CASK: variants seen among roughly 807,000 people sequenced by gnomAD.
CASK encodes peripheral plasma membrane protein CASK.
A neutral mutation model predicts 82.9 loss-of-function variants in CASK; 4 were observed. The observed-to-expected ratio is 0.05, with a 90% CI of 0.02 to 0.11. The LOEUF is 0.11. CASK is among the 10% of genes least tolerant of loss of function. The pLI is 1.00. For synonymous variants in CASK, 259 were observed against 253.5 expected, an observed-to-expected ratio of 1.02 and a Z score of -0.20; for missense variants, 358 against 720.9, an observed-to-expected ratio of 0.50 and a Z score of 5.76.
In CASK at chrX:41,520,191, T is replaced by C. The variant is rs1200001494; in HGVS notation, c.*229A>G. Reference sequence around the variant, plus strand: ...AATAATACATACATTTAAAGATACATTTTATTAAAGTTTAGGAGAACTGAT... The same window carrying C: ...AATAATACATACATTTAAAGATACACTTTATTAAAGTTTAGGAGAACTGAT... On this transcript the variant is annotated 3_prime_UTR_variant, in exon 27 of 27. Transcript: ENST00000378163. The C allele has an allele frequency of 5.7e-6, 2 of 351,418 alleles. No individual in the cohort carries two copies. The highest frequency in any genetic ancestry group is 9.9e-6 in the Non-Finnish European group (2 of 202,427). 29.0% of individuals were successfully genotyped at this position (351,418 alleles called of 1,213,427 possible). A position where few individuals can be genotyped will look rare whatever the true frequency, so the allele number is the denominator to read the frequency against.
intron 1 of CASK, among the ~76,000 whole-genome samples, chrX:41,856,444 T>C: frequency 9.0e-6 from 1 of 110,520 alleles, no homozygotes; most frequent in Middle Eastern, 4.7e-3. Flanking sequence ...AAGAAACTCA[T>C]GAATGGGTTC....
intron 14 of CASK, chrX:41,584,940 G>A (rs1342518537): frequency 8.9e-6 from 1 of 112,599 alleles, no homozygotes; most frequent in African/African-American, 3.2e-5. Flanking sequence ...CTCCTGCTCT[G>A]TGAAATAGAG....
intron 5 of CASK, among the ~76,000 whole-genome samples, chrX:41,672,415 C>A (rs1481295517): frequency 1.8e-5 from 2 of 111,091 alleles, no homozygotes; most frequent in Non-Finnish European, 3.8e-5. Context: ...ACTGTCCTCC[C>A]CAATATGACT....
intron 8 of CASK, among the ~76,000 whole-genome samples, chrX:41,657,997 G>A (rs752374854): frequency 1.8e-5 from 2 of 110,441 alleles, no homozygotes; most frequent in Admixed American, 1.9e-4. Flanking sequence ...ACCAATGGCC[G>A]ATGGTTTAAT....
Position 41,649,241 on chromosome X carries a change from C to T in CASK, c.831+11198G>A, listed in dbSNP as rs185350630. Among the ~76,000 whole-genome samples the T allele has an allele frequency of 1.2e-3, 134 of 111,365 alleles. 1 individual carries two copies. Among genetic ancestry groups the T allele is most frequent in the Middle Eastern group, 9.3e-3 (2 of 214 alleles). Reference sequence around the variant, plus strand: ...TATTTTTTTGAAGGGTTTTTTGTGTCTCTATTTCCTTCAGTTCTGCTCTGA... The same window carrying T: ...TATTTTTTTGAAGGGTTTTTTGTGTTTCTATTTCCTTCAGTTCTGCTCTGA... On this transcript the variant is annotated intron_variant, in intron 8 of 26. Transcript: ENST00000378163.
intron 5 of CASK, among the ~76,000 whole-genome samples, chrX:41,709,133 A>T (rs1329432978): frequency 8.9e-6 from 1 of 111,898 alleles, no homozygotes; most frequent in Non-Finnish European, 1.9e-5. Context: ...TCTTAAAAGG[A>T]CTACTTCAAA....
chrX:41,876,928 G>A (rs780847354), intron 1 of CASK, among the ~76,000 whole-genome samples: 20 of 111,723 alleles, frequency 1.8e-4, no homozygotes, highest in African/African-American at 6.2e-4. Context: ...GGCAGGGCCA[G>A]AGTCACACTC....
intron 3 of CASK, among the ~76,000 whole-genome samples, chrX:41,782,319 C>G (rs5964047): frequency 0.19 from 21,293 of 110,858 alleles, 1,617 homozygotes; most frequent in Middle Eastern, 0.3. Flanking sequence ...GAAAACAAAA[C>G]AAAAGAAAAC....
chrX:41,777,281 C>A (rs1375875997), intron 3 of CASK, among the ~76,000 whole-genome samples: 1 of 110,483 alleles, frequency 9.1e-6, no homozygotes, highest in Non-Finnish European at 1.9e-5. Context: ...CACTTGAGGT[C>A]AGGAGTTTGA....
chrX:41,680,239 T>G (rs113548573), intron 5 of CASK, among the ~76,000 whole-genome samples: 1 of 108,251 alleles, frequency 9.2e-6, no homozygotes, highest in Non-Finnish European at 1.9e-5. Flanking sequence ...ATCTCAGCAC[T>G]TTGGGAAGCC....
At chrX:41,833,728 A>G (rs771004229) in intron 2 of CASK, among the ~76,000 whole-genome samples, 1 of 111,954 alleles carries the variant, frequency 8.9e-6, no homozygotes, top group Admixed American at 9.5e-5. Context: ...GTTATACACC[A>G]TGAATTATAA....
At chrX:41,722,916 A>T (rs1423673883) in intron 5 of CASK, among the ~76,000 whole-genome samples, 1 of 111,918 alleles carries the variant, frequency 8.9e-6, no homozygotes, top group Admixed American at 9.5e-5. Flanking sequence ...GTTCTATGTA[A>T]TTCCTTCCTG....
intron 14 of CASK, chrX:41,585,606 C>G (rs910521633): frequency 1.0e-4 from 11 of 110,007 alleles, no homozygotes; most frequent in African/African-American, 3.6e-4. Flanking sequence ...ATTAGCCAGG[C>G]GTGGTGGCGG....
chrX:41,569,603 T>G, intron 16 of CASK, 65 bp downstream of exon 16: 1 of 786,342 alleles, frequency 1.3e-6, no homozygotes. Context: ...AAAAACATTT[T>G]CTTCACTAGG....
At position 41,867,324 on chromosome X, in the gene CASK, T is replaced by C. The variant is rs1236054784; in HGVS notation, c.60-14097A>G. Among the ~76,000 whole-genome samples the C allele has an allele frequency of 2.7e-5, 3 of 112,145 alleles. No individual in the cohort carries two copies. In the East Asian group the frequency reaches 8.4e-4, roughly 31 times the overall value. On this transcript the variant is annotated intron_variant, in intron 1 of 26. Transcript: ENST00000378163. ...AAATGCTACTGGATGGACAAATAGA[T>C]AAATCCATTTTAGGATGCACAAACA...
At chrX:41,610,163 A>G (rs2066023437) in intron 11 of CASK, 138 bp from the exon 12 acceptor site, 8 of 585,897 alleles carry the variant, frequency 1.4e-5, no homozygotes, top group African/African-American at 2.3e-5. Context: ...TGAAGGATAG[A>G]CTTAAATGAG....
At chrX:41,727,702 A>T in intron 5 of CASK, 1 of 1,200,149 alleles carries the variant, frequency 8.3e-7, no homozygotes, top group Non-Finnish European at 1.1e-6. Context: ...CTCTTTTGTA[A>T]GCCATCTGAG....
chrX:41,789,284 C>T (rs1417304837), intron 2 of CASK, among the ~76,000 whole-genome samples: 2 of 111,675 alleles, frequency 1.8e-5, no homozygotes, highest in Non-Finnish European at 3.8e-5. Context: ...CTACAAATGA[C>T]TTTCTTAGAG....
rs778643757 is a variant in CASK at position 41,534,828 on chromosome X, TTAA to T, written c.2237-45_2237-43del. ...AAAAGAATGTTAAAACTGACAACTC[TTAA>T]TAATGTTCACAAAATGTTTTGAAAG... On this transcript the variant is annotated intron_variant, in intron 23 of 26. Transcript: ENST00000378163. 4 of 1,156,937 alleles carry T rather than the reference TTAA, an allele frequency of 3.5e-6. No individual in the cohort carries two copies. In the African/African-American group the frequency reaches 7.1e-5, roughly 21 times the overall value.
Sources: gnomAD v4.1 joint callset for allele counts (sites outside exome capture counted in the v4.1 genomes callset) on GRCh38, gnomAD v4.1.1 for gene constraint, MANE v1.5 for transcripts, NCBI Gene and HGNC (gene_info 2026-07-23, HGNC 2026-07-21) for gene names.